INO80D: variants seen among roughly 807,000 people sequenced by gnomAD.
INO80D encodes INO80 complex subunit D.
In INO80D, 21 loss-of-function variants were observed where a neutral mutation model predicts 87.6. The ratio of observed to expected loss-of-function variants is 0.24; its 90% CI spans 0.17 to 0.35. The LOEUF is 0.35. Ranked by LOEUF, INO80D falls within the 10% of genes least tolerant of loss-of-function variation. The probability of loss-of-function intolerance (pLI) is 1.00; values close to 1 mark genes in which losing one functional copy is unlikely to be tolerated. For synonymous variants in INO80D, 440 were observed against 491.0 expected, an observed-to-expected ratio of 0.90 and a Z score of 1.37; for missense variants, 982 against 1,280.7, an observed-to-expected ratio of 0.77 and a Z score of 3.56.
chr2:206,077,116 AC>A (rs1037782276), intron 1 of INO80D, among the ~76,000 whole-genome samples: 1 of 152,036 alleles, frequency 6.6e-6, no homozygotes, highest in African/African-American at 2.4e-5. Flanking sequence ...TACTAAAAAT[AC>A]AAAAAAAAAA....
rs137999983 is a variant in INO80D, at chr2:206,004,402, T to C, written c.3050A>G (p.Asn1017Ser). The C allele has an allele frequency of 1.2e-5, 20 of 1,601,580 alleles. No homozygotes were observed. Among genetic ancestry groups the C allele is most frequent in the Non-Finnish European group, 1.6e-5 (19 of 1,174,216 alleles). Residue 1017 changes from asparagine to serine, a missense_variant, in exon 11 of 11, where the codon AAT becomes AGT. By Grantham distance (46) the Asn-to-Ser change is conservative. Coordinates refer to ENST00000403263, the MANE Select transcript of INO80D (RefSeq NM_017759.5). This position sits in a 1 kb window ranked among gnomAD's most constrained non-coding sequence, Gnocchi z 4.9. Reference protein sequence around the residue: ...TVTGATATSTNNASSPFPSPN With the variant: ...TVTGATATSTSNASSPFPSPN Reference sequence around the variant, plus strand: ...GGAGGGAAAGGGAGAAGATGCATTATTGGTACTTGTAGCTGTGGCACCTGT... The same window carrying C: ...GGAGGGAAAGGGAGAAGATGCATTACTGGTACTTGTAGCTGTGGCACCTGT...
At chr2:206,047,331 G>A (rs1194308407) in intron 4 of INO80D, among the ~76,000 whole-genome samples, 1 of 152,024 alleles carries the variant, frequency 6.6e-6, no homozygotes, top group Non-Finnish European at 1.5e-5. Flanking sequence ...TGATTCTCAT[G>A]CCTCAGCCTC....
intron 5 of INO80D, chr2:206,040,709 A>G: frequency 3.8e-6 from 1 of 265,548 alleles, no homozygotes; most frequent in Non-Finnish European, 7.9e-6. Flanking sequence ...ATCCTCTTAC[A>G]CAAAACTGTC....
intron 4 of INO80D, among the ~76,000 whole-genome samples, chr2:206,046,924 G>A (rs1445837730): frequency 7.9e-5 from 12 of 152,070 alleles, no homozygotes; most frequent in South Asian, 2.1e-4. Flanking sequence ...AGGACTACAC[G>A]CGCCAGCCAC....
rs1454099999 is a variant in INO80D at position 206,000,966 on chromosome 2, T to C, written c.*3402A>G. On this transcript the variant is annotated 3_prime_UTR_variant, in exon 11 of 11. Coordinates refer to ENST00000403263, the MANE Select transcript of INO80D (RefSeq NM_017759.5). ...GGAAGTCATTTATAAAGCAGTTATA[T>C]CACACATGGTAGGTCACCAGAGAAA... The C allele has an allele frequency of 6.6e-6, 1 of 152,212 alleles. No homozygotes were observed. Among genetic ancestry groups the C allele is most frequent in the East Asian group, 1.9e-4 (1 of 5,202 alleles). The allele number at this position is 152,212 out of a possible 1,614,324, so 9.4% of individuals were successfully genotyped here.
Position 206,017,717 on chromosome 2 carries a change from T to C in INO80D, c.1505A>G (p.His502Arg), listed in dbSNP as rs748204562. Reference sequence around the variant, plus strand: ...ATGTTCTTCACACAGAGGTGTCTGATGTGTAATGTCAAAAACTGGCACAGA... The same window carrying C: ...ATGTTCTTCACACAGAGGTGTCTGACGTGTAATGTCAAAAACTGGCACAGA... ...QCSVPVFDIT[H>R]QTPLCEEHAK... Residue 502 changes from histidine (H) to arginine (R), a missense_variant, in exon 8 of 11, where the codon CAT becomes CGT. His to Arg is a conservative substitution (Grantham distance 29). Coordinates refer to ENST00000403263, the MANE Select transcript of INO80D (RefSeq NM_017759.5). 3 of 1,610,708 alleles carry C rather than the reference T, an allele frequency of 1.9e-6. No individual in the cohort carries two copies. Among genetic ancestry groups the C allele is most frequent in the African/African-American group, 1.3e-5 (1 of 74,846 alleles).
At chr2:206,029,798 CAA>C (rs1438025024) in intron 5 of INO80D, among the ~76,000 whole-genome samples, 3 of 152,132 alleles carry the variant, frequency 2.0e-5, no homozygotes, top group African/African-American at 4.8e-5. Context: ...ACCAACATTT[CAA>C]AGAGTTTGCA....
intron 4 of INO80D, among the ~76,000 whole-genome samples, chr2:206,051,474 AAAAT>A (rs1689369382): frequency 6.6e-6 from 1 of 152,192 alleles, no homozygotes; most frequent in African/African-American, 2.4e-5. Flanking sequence ...CAATCAATAG[AAAAT>A]AAATATATGG....
intron 1 of INO80D, among the ~76,000 whole-genome samples, chr2:206,078,275 G>A (rs566947729): frequency 2.0e-5 from 3 of 151,822 alleles, no homozygotes; most frequent in South Asian, 2.1e-4. Context: ...AAAATTAGCC[G>A]GCGTGGTGGC....
Position 206,000,021 on chromosome 2 carries a change from AC to A in INO80D, c.*4346del, listed in dbSNP as rs1687877914. On this transcript the variant is annotated 3_prime_UTR_variant, in exon 11 of 11. Transcript: ENST00000403263. ...TTTTGTCAGGAAAAAAATCCTTGGA[AC>A]AATGTAAATACTGGTAACAAAAGAG... The A allele has an allele frequency of 6.6e-6, 1 of 152,108 alleles. No homozygotes were observed. The highest frequency in any genetic ancestry group is 2.1e-4 in the South Asian group (1 of 4,818). The allele number at this position is 152,108 out of a possible 1,614,324, so 9.4% of individuals were successfully genotyped here. A position where few individuals can be genotyped will look rare whatever the true frequency, so the allele number is the denominator to read the frequency against.
rs191842371 is a variant in INO80D at position 206,026,272 on chromosome 2, G to A, written c.1298+1839C>T. ...AGTTAAAAGTAATAACCAGGCAGGG[G>A]CAGTGGCTCATGCCTGTGATCCCAG... On this transcript the variant is annotated intron_variant, in intron 6 of 10. Transcript: ENST00000403263. Among the ~76,000 whole-genome samples the A allele has an allele frequency of 4.8e-4, 73 of 152,254 alleles. 1 individual carries two copies. Among genetic ancestry groups the A allele is most frequent in the East Asian group, 4.6e-3 (24 of 5,172 alleles).
intron 8 of INO80D, among the ~76,000 whole-genome samples, chr2:206,010,098 G>T (rs1232597424): frequency 2.6e-5 from 3 of 115,558 alleles, no homozygotes; most frequent in African/African-American, 8.3e-5. Flanking sequence ...CACACACACG[G>T]TTCCAGTTCT....
At chr2:206,071,240 T>TA (rs1194604182) in intron 1 of INO80D, among the ~76,000 whole-genome samples, 45 of 1,500 alleles carry the variant, frequency 0.03, 20 homozygotes, top group South Asian at 0.26. Context: ...ATTACAGGCA[T>TA]AAGCACCACG....
At chr2:206,052,256 C>T (rs1230605848) in intron 4 of INO80D, among the ~76,000 whole-genome samples, 1 of 152,134 alleles carries the variant, frequency 6.6e-6, no homozygotes, top group Non-Finnish European at 1.5e-5. Flanking sequence ...GGTGCGATCT[C>T]GGCTCACTGC....
rs376884022 is a variant in INO80D, at chr2:206,044,442, G to A, written c.1073+2062C>T. Among the ~76,000 whole-genome samples, 10 of 139,698 alleles carry A rather than the reference G, an allele frequency of 7.2e-5. No individual in the cohort carries two copies. In the East Asian group the frequency reaches 1.5e-3, roughly 21 times the overall value. The allele number at this position is 139,698 out of a possible 152,430, so 91.6% of individuals were successfully genotyped here. On this transcript the variant is annotated intron_variant, in intron 5 of 10. Coordinates refer to ENST00000403263, the MANE Select transcript of INO80D (RefSeq NM_017759.5). The stretch of plus-strand genomic sequence containing the variant: ...GGAAAAGAATGAAGGGGAAAAGATG[G>A]AAACAGCAGCTGGGCAAGAAGTAAG...
intron 1 of INO80D, among the ~76,000 whole-genome samples, chr2:206,069,086 G>A (rs1327355256): frequency 1.3e-5 from 2 of 151,984 alleles, no homozygotes; most frequent in South Asian, 2.1e-4. Context: ...ATTATATTTT[G>A]TATTGCCTTT....
chr2:206,064,804 C>T (rs568208375), intron 1 of INO80D, among the ~76,000 whole-genome samples: 3 of 147,812 alleles, frequency 2.0e-5, no homozygotes, highest in Admixed American at 7.0e-5. Flanking sequence ...ACATACTTCA[C>T]TTACTGTAGT....
At chr2:206,065,007 G>C (rs964836531) in intron 1 of INO80D, among the ~76,000 whole-genome samples, 1 of 152,090 alleles carries the variant, frequency 6.6e-6, no homozygotes, top group Admixed American at 6.6e-5. Flanking sequence ...TAGGTGCTAA[G>C]AAACTGGATA....
chr2:206,053,909 C>T (rs189610796), intron 4 of INO80D, among the ~76,000 whole-genome samples: 5 of 151,776 alleles, frequency 3.3e-5, no homozygotes, highest in East Asian at 3.9e-4. Context: ...GCACAATCTC[C>T]GCTCACTGCA....
Sources: allele counts gnomAD v4.1 joint callset (sites outside exome capture counted in the v4.1 genomes callset), GRCh38; gene constraint gnomAD v4.1.1; non-coding constraint Gnocchi (gnomAD v3.1); transcripts MANE v1.5; gene names NCBI Gene and HGNC (gene_info 2026-07-23, HGNC 2026-07-21).